PIK3R6: variants seen among roughly 807,000 people sequenced by gnomAD.
PIK3R6 encodes phosphoinositide 3-kinase regulatory subunit 6.
A neutral mutation model predicts 84.9 loss-of-function variants in PIK3R6; 91 were observed. That is an observed-to-expected ratio of 1.07 (90% confidence interval 0.90 to 1.28). The LOEUF is 1.28. Among genes scored for constraint, PIK3R6 ranks in the 50% most tolerant of loss-of-function variants. PIK3R6 has a pLI of 0.00. For missense variants in PIK3R6, 996 were observed against 985.1 expected (o/e 1.01, Z -0.15); for synonymous variants, 416 against 411.4 (o/e 1.01, Z -0.13).
At chr17:8,837,056 C>G in intron 5 of PIK3R6, 133 bp from the exon 6 acceptor site, 1 of 677,832 alleles carries the variant, frequency 1.5e-6, no homozygotes, top group South Asian at 1.8e-5. Context: ...GCCTAACAGC[C>G]AGACCTGGGC....
intron 18 of PIK3R6, among the ~76,000 whole-genome samples, chr17:8,804,548 C>A (rs1262369105): frequency 6.6e-6 from 1 of 152,130 alleles, no homozygotes; most frequent in Non-Finnish European, 1.5e-5. Flanking sequence ...AAAGTCTTGA[C>A]CCCGGTTCTC....
At chr17:8,865,221 T>G (rs144018465) in intron 1 of PIK3R6, among the ~76,000 whole-genome samples, 1 of 152,032 alleles carries the variant, frequency 6.6e-6, no homozygotes, top group Non-Finnish European at 1.5e-5. Flanking sequence ...ATTCTGAACA[T>G]GAAGATTCCA....
At chr17:8,847,469 G>A (rs1049034407) in intron 2 of PIK3R6, among the ~76,000 whole-genome samples, 1 of 152,110 alleles carries the variant, frequency 6.6e-6, no homozygotes, top group African/African-American at 2.4e-5. Context: ...CTGTAGGATG[G>A]GAGGACTCCA....
intron 7 of PIK3R6, among the ~76,000 whole-genome samples, chr17:8,836,128 A>G (rs2088454360): frequency 6.6e-6 from 1 of 152,196 alleles, no homozygotes; most frequent in African/African-American, 2.4e-5. Context: ...CCCCCATGGA[A>G]GCCCTCTGGC....
In PIK3R6 at chr17:8,844,627, T is replaced by A. The variant is rs899628993; in HGVS notation, c.14-4930A>T. 7.2e-5 allele frequency among the ~76,000 whole-genome samples: 11 copies of A among 152,042 alleles called. No individual in the cohort carries two copies. Among genetic ancestry groups the A allele is most frequent in the South Asian group, 4.1e-4 (2 of 4,832 alleles). On this transcript the variant is annotated intron_variant, in intron 2 of 19. Coordinates refer to ENST00000619866, the MANE Select transcript of PIK3R6 (RefSeq NM_001010855.4). The surrounding 1 kb of genome is among the most constrained non-coding windows in gnomAD (Gnocchi z 4.5). The stretch of plus-strand genomic sequence containing the variant: ...AATATTAAACTTTTTTTATTTAAAA[T>A]TTTTTTAACTTTTATTTTAGGTTCA...
At position 8,838,660 on chromosome 17, in the gene PIK3R6, G is replaced by A. The variant is rs2088565866; in HGVS notation, c.98-5C>T. On this transcript the variant is annotated splice_polypyrimidine_tract_variant and splice_region_variant and intron_variant, in intron 3 of 19. Transcript: ENST00000619866. ...GCAGGGACCACCTCCACATGCCTGGGCCAGGAGAAAGGGGAGCCCGGCATG... is the reference window on the plus strand; with the variant it reads ...GCAGGGACCACCTCCACATGCCTGGACCAGGAGAAAGGGGAGCCCGGCATG... 2.5e-6 allele frequency: 4 copies of A among 1,592,934 alleles called. No homozygotes were observed. In the Admixed American group the frequency reaches 5.3e-5, roughly 21 times the overall value.
intron 1 of PIK3R6, among the ~76,000 whole-genome samples, chr17:8,866,255 G>A (rs1322662479): frequency 2.0e-5 from 3 of 152,092 alleles, no homozygotes; most frequent in Admixed American, 6.6e-5. Context: ...TAAATGGACC[G>A]GGCCAGGCGC....
chr17:8,854,173 C>T lies in PIK3R6; in HGVS notation c.-91-4288G>A, dbSNP rs1035351008. Among the ~76,000 whole-genome samples the T allele has an allele frequency of 5.3e-5, 8 of 151,272 alleles. No homozygotes were observed. In the East Asian group the frequency reaches 5.8e-4, roughly 11 times the overall value. ...CCTTTATTTTTATTTTTTTTTGAAA[C>T]GGAGTCTTGCTCTGTCGCCAGGCTG... is the stretch of plus-strand genomic sequence containing the variant. On this transcript the variant is annotated intron_variant, in intron 1 of 19. Coordinates refer to ENST00000619866, the MANE Select transcript of PIK3R6 (RefSeq NM_001010855.4).
At position 8,827,311 on chromosome 17, in the gene PIK3R6, G is replaced by A. The variant is rs1411455708; in HGVS notation, c.1393-17C>T. ...TGCAGGCTTCTGGGGGAAAGGGGATGGGGCAGACCCGTCAGGCCCTCTCTC... is the reference window on the plus strand; with the variant it reads ...TGCAGGCTTCTGGGGGAAAGGGGATAGGGCAGACCCGTCAGGCCCTCTCTC... On this transcript the variant is annotated splice_polypyrimidine_tract_variant and intron_variant, in intron 12 of 19. Transcript: ENST00000619866. 1.3e-6 allele frequency: 2 copies of A among 1,548,852 alleles called. No homozygotes were observed. The highest frequency in any genetic ancestry group is 2.4e-5 in the East Asian group (1 of 40,932).
In PIK3R6 at chr17:8,829,793, C is replaced by T. The variant is rs1429335433; in HGVS notation, c.803-1G>A. ...GGTGGCCGCTCTTGGACAAGGTCAC[C>T]TGCAGAAAGGAGCAGGCTGTGGAGG... On this transcript the variant is annotated splice_acceptor_variant, in intron 9 of 19. Coordinates refer to ENST00000619866, the MANE Select transcript of PIK3R6 (RefSeq NM_001010855.4). LOFTEE classifies it high-confidence loss of function. 6.4e-7 allele frequency: 1 copy of T among 1,550,472 alleles called. No homozygotes were observed. The highest frequency in any genetic ancestry group is 8.7e-7 in the Non-Finnish European group (1 of 1,146,660).
chr17:8,839,604 T>C lies in PIK3R6; in HGVS notation c.97+10A>G. ...AGAGGGACCAGCTGCTGCTGCCAGC[T>C]GGCTCTTACCTTGGTTGCTCTGCAG... On this transcript the variant is annotated intron_variant, in intron 3 of 19. Transcript: ENST00000619866. The surrounding 1 kb of genome is among the most constrained non-coding windows in gnomAD (Gnocchi z 4.2). The C allele has an allele frequency of 6.4e-7, 1 of 1,561,798 alleles. No homozygotes were observed. Among genetic ancestry groups the C allele is most frequent in the Non-Finnish European group, 8.7e-7 (1 of 1,152,588 alleles).
chr17:8,823,174 AC>A (rs1452999771), intron 14 of PIK3R6, 88 bp from the exon 15 acceptor site: 12 of 1,046,870 alleles, frequency 1.1e-5, no homozygotes, highest in Non-Finnish European at 1.6e-5. Context: ...GCCATGGAGA[AC>A]CCTTCCACAT....
rs1302283051 is a variant in PIK3R6 at position 8,844,241 on chromosome 17, G to T, written c.14-4544C>A. Among the ~76,000 whole-genome samples, 1 of 152,240 alleles carries T rather than the reference G, an allele frequency of 6.6e-6. No individual in the cohort carries two copies. Among genetic ancestry groups the T allele is most frequent in the African/African-American group, 2.4e-5 (1 of 41,464 alleles). Reference sequence around the variant, plus strand: ...TGCACCTTGCAAGTCTGGCCAAGCAGTTCTGGTGGCTGTAGCCACCGTGGA... The same window carrying T: ...TGCACCTTGCAAGTCTGGCCAAGCATTTCTGGTGGCTGTAGCCACCGTGGA... On this transcript the variant is annotated intron_variant, in intron 2 of 19. Coordinates refer to ENST00000619866, the MANE Select transcript of PIK3R6 (RefSeq NM_001010855.4). This position sits in a 1 kb window ranked among gnomAD's most constrained non-coding sequence, Gnocchi z 4.5.
chr17:8,803,251 T>G lies in PIK3R6; in HGVS notation c.*22A>C, dbSNP rs368077703. The G allele has an allele frequency of 1.2e-6, 2 of 1,611,670 alleles. No individual in the cohort carries two copies. The highest frequency in any genetic ancestry group is 1.7e-6 in the Non-Finnish European group (2 of 1,179,622). Reference sequence around the variant, plus strand: ...TGGTGGGGTAGTGTATCCTTCCTCCTGGGCCTGCTGTCCCTGCAGGCTCAC... The same window carrying G: ...TGGTGGGGTAGTGTATCCTTCCTCCGGGGCCTGCTGTCCCTGCAGGCTCAC... On this transcript the variant is annotated 3_prime_UTR_variant, in exon 20 of 20. Transcript: ENST00000619866. The surrounding 1 kb of genome is among the most constrained non-coding windows in gnomAD (Gnocchi z 5.0).
At chr17:8,822,476 A>G in intron 16 of PIK3R6, 111 bp downstream of exon 16, 1 of 1,277,384 alleles carries the variant, frequency 7.8e-7, no homozygotes, top group Non-Finnish European at 1.1e-6. Context: ...AGCTTCAAGA[A>G]AAGGGGCAGA....
chr17:8,835,107 G>T (rs1165258889), intron 8 of PIK3R6, among the ~76,000 whole-genome samples, 166 bp downstream of exon 8: 1 of 152,214 alleles, frequency 6.6e-6, no homozygotes, highest in Non-Finnish European at 1.5e-5. Context: ...CAAAGTGCTG[G>T]GGTTATAGGT....
At chr17:8,826,569 C>G (rs2087924758) in intron 13 of PIK3R6, among the ~76,000 whole-genome samples, 1 of 152,058 alleles carries the variant, frequency 6.6e-6, no homozygotes, top group Admixed American at 6.6e-5. Context: ...TAAGTGGGAG[C>G]TGAACAATGA....
chr17:8,829,579 C>G (rs1487647930), intron 10 of PIK3R6, 127 bp downstream of exon 10: 2 of 982,086 alleles, frequency 2.0e-6, no homozygotes, highest in African/African-American at 1.7e-5. Context: ...CACACACAGA[C>G]ACACTGACAC....
intron 13 of PIK3R6, among the ~76,000 whole-genome samples, chr17:8,825,453 A>G (rs997560059): frequency 6.6e-6 from 1 of 152,232 alleles, no homozygotes. Flanking sequence ...GAAATGAATA[A>G]ATCAATGAGA....
Sources: gnomAD v4.1 joint callset for allele counts (sites outside exome capture counted in the v4.1 genomes callset) on GRCh38, gnomAD v4.1.1 for gene constraint, Gnocchi (gnomAD v3.1) non-coding constraint, MANE v1.5 for transcripts, NCBI Gene and HGNC (gene_info 2026-07-23, HGNC 2026-07-21) for gene names.